The following E2F1 variants were observed in gnomAD, a reference collection of about 807,000 sequenced individuals.
E2F1 encodes the protein E2F transcription factor 1.
Under a neutral mutation model 36.9 loss-of-function variants are expected in E2F1, and 7 were observed. That is an observed-to-expected ratio of 0.19 (90% CI 0.11 to 0.36). E2F1 has a LOEUF of 0.36. Among genes scored for constraint, E2F1 ranks in the 10% least tolerant of loss-of-function variants. The pLI, the probability that E2F1 is intolerant of heterozygous loss-of-function variation, is 1.00. For missense variants in E2F1, 406 were observed against 573.6 expected, an observed-to-expected ratio of 0.71 and a Z score of 2.99; for synonymous variants, 261 against 263.1, an observed-to-expected ratio of 0.99 and a Z score of 0.08.
At chr20:33,677,639 C>T in intron 4 of E2F1, 99 bp from the exon 5 acceptor site, 1 of 838,678 alleles carries the variant, frequency 1.2e-6, no homozygotes, top group South Asian at 1.6e-5. Context: ...TCACTCCTGT[C>T]CTCCCAACCT....
At chr20:33,680,256 GT>G in intron 2 of E2F1, 69 bp downstream of exon 2, 1 of 1,503,546 alleles carries the variant, frequency 6.7e-7, no homozygotes, top group South Asian at 1.2e-5. Context: ...TTGCAAGCAT[GT>G]TTGTCTGTTC....
intron 3 of E2F1, among the ~76,000 whole-genome samples, chr20:33,678,982 A>G (rs2017993456): frequency 6.6e-6 from 1 of 152,060 alleles, no homozygotes; most frequent in Non-Finnish European, 1.5e-5. Context: ...AAGATGCAGA[A>G]TGGAACGATC....
Position 33,676,586 on chromosome 20 carries a change from C to T in E2F1, c.*146G>A. 7.8e-7 allele frequency: 1 copy of T among 1,275,220 alleles called. No homozygotes were observed. Among genetic ancestry groups the T allele is most frequent in the Non-Finnish European group, 1.0e-6 (1 of 954,942 alleles). The allele number at this position is 1,275,220 out of a possible 1,614,324, so 79.0% of individuals were successfully genotyped here. On this transcript the variant is annotated 3_prime_UTR_variant, in exon 7 of 7. Coordinates refer to ENST00000343380, the MANE Select transcript of E2F1 (RefSeq NM_005225.3). ...TCAGCCTCCTAGCGGTAGCCAGACC[C>T]CAGAGCTAGAAGCTTCTGGAGACAG...
At chr20:33,681,769 G>A (rs182327979) in intron 1 of E2F1, among the ~76,000 whole-genome samples, 19 of 152,192 alleles carry the variant, frequency 1.2e-4, no homozygotes, top group Admixed American at 8.5e-4. Flanking sequence ...TCATCACCAC[G>A]GCGATCACCA....
chr20:33,684,437 T>TG (rs2018045761), intron 1 of E2F1, among the ~76,000 whole-genome samples: 1 of 151,310 alleles, frequency 6.6e-6, no homozygotes. Context: ...GGAGGGCCCC[T>TG]AAAAGCCCTT....
chr20:33,686,175 G>T lies in E2F1; in HGVS notation c.90C>A (p.Ser30=). The part of the protein sequence containing the change: ...LGAGALRLLD[S]SQIVIISAAQ... The stretch of plus-strand genomic sequence containing the variant: ...CGGCGGAGATGATGACGATCTGCGA[G>T]GAGTCGAGCAGCCGCAGCGCGCCGG... The change falls in exon 1 of 7, where the codon TCC becomes TCA. Residue 30 remains serine, a synonymous_variant. Transcript: ENST00000343380. The T allele has an allele frequency of 1.9e-6, 2 of 1,053,206 alleles. No individual in the cohort carries two copies. The highest frequency in any genetic ancestry group is 2.3e-6 in the Non-Finnish European group (2 of 875,010). 65.2% of individuals were successfully genotyped at this position (1,053,206 alleles called of 1,614,324 possible).
intron 1 of E2F1, among the ~76,000 whole-genome samples, chr20:33,685,018 C>G (rs1249251217): frequency 2.0e-5 from 3 of 152,228 alleles, no homozygotes; most frequent in Non-Finnish European, 4.4e-5. Context: ...CAGGCTTCTA[C>G]GCCTCCAATC....
Position 33,686,154 on chromosome 20 carries a change from G to A in E2F1, c.111C>T (p.Ser37=), listed in dbSNP as rs3213143. 3.4e-3 allele frequency: 3,608 copies of A among 1,060,758 alleles called. 103 individuals are homozygous for A. In the African/African-American group the frequency reaches 0.055, roughly 16 times the overall value. The allele number at this position is 1,060,758 out of a possible 1,614,324, so 65.7% of individuals were successfully genotyped here. The part of the protein sequence containing the change: ...LLDSSQIVII[S]AAQDASAPPA... Reference sequence around the variant, plus strand: ...GCGGGGCGCTGGCGTCCTGCGCGGCGGAGATGATGACGATCTGCGAGGAGT... The same window carrying A: ...GCGGGGCGCTGGCGTCCTGCGCGGCAGAGATGATGACGATCTGCGAGGAGT... The change falls in exon 1 of 7, where the codon TCC becomes TCT. Residue 37 remains serine (S), a synonymous_variant. Coordinates refer to ENST00000343380, the MANE Select transcript of E2F1 (RefSeq NM_005225.3).
chr20:33,682,309 C>CTCTAA lies in E2F1; in HGVS notation c.262-1898_262-1894dup, dbSNP rs573297989. The stretch of plus-strand genomic sequence containing the variant: ...CCCAGGGGAAAGAAGAGCTGTTGTG[C>CTCTAA]TCTAAGCACTGTGTACTCAACTGCT... On this transcript the variant is annotated intron_variant, in intron 1 of 6. Coordinates refer to ENST00000343380, the MANE Select transcript of E2F1 (RefSeq NM_005225.3). Among the ~76,000 whole-genome samples, 70 of 152,298 alleles carry CTCTAA rather than the reference C, an allele frequency of 4.6e-4. No individual in the cohort carries two copies. The East Asian group carries it at 6.4e-3, about 14-fold the overall frequency.
rs1433269615 is a variant in E2F1, at chr20:33,679,704, C to A, written c.572+51G>T. ...ACAGTGGGTATTACTACCAGCTCCT[C>A]CAGGCTGGCATGGGCAGGTGTGCCT... On this transcript the variant is annotated intron_variant, in intron 3 of 6. Transcript: ENST00000343380. The surrounding 1 kb of genome is among the most constrained non-coding windows in gnomAD (Gnocchi z 4.6). 5.1e-6 allele frequency: 8 copies of A among 1,566,686 alleles called. No homozygotes were observed. Among genetic ancestry groups the A allele is most frequent in the Non-Finnish European group, 4.4e-6 (5 of 1,138,714 alleles).
At chr20:33,684,598 A>G (rs2018047902) in intron 1 of E2F1, among the ~76,000 whole-genome samples, 1 of 152,330 alleles carries the variant, frequency 6.6e-6, no homozygotes, top group Non-Finnish European at 1.5e-5. Flanking sequence ...CCCAATCTGT[A>G]AAAAGGGACT....
chr20:33,682,092 C>A (rs1298182072), intron 1 of E2F1, among the ~76,000 whole-genome samples: 1 of 151,228 alleles, frequency 6.6e-6, no homozygotes, highest in East Asian at 2.0e-4. Context: ...TCAAACCCAA[C>A]CTTTTGCCAC....
chr20:33,678,799 C>A (rs3213171), intron 3 of E2F1, among the ~76,000 whole-genome samples: 4,795 of 152,118 alleles, frequency 0.032, 116 homozygotes, highest in South Asian at 0.064. Flanking sequence ...TACACAAAAT[C>A]AAAGACATTA....
Position 33,680,391 on chromosome 20 carries a change from G to T in E2F1, c.287C>A (p.Thr96Asn). The T allele has an allele frequency of 6.2e-7, 1 of 1,614,122 alleles. No homozygotes were observed. Among genetic ancestry groups the T allele is most frequent in the South Asian group, 1.1e-5 (1 of 91,034 alleles). The change falls in exon 2 of 7, where the codon ACT (threonine) becomes AAT (asparagine). Residue 96 changes from threonine (T) to asparagine (N), a missense_variant. By Grantham distance (65) the Thr-to-Asn change is moderately conservative. Coordinates refer to ENST00000343380, the MANE Select transcript of E2F1 (RefSeq NM_005225.3). ...PPVKRRLDLE[T>N]DHQYLAESSG... ...GCTCTCGGCCAGGTACTGATGGTCA[G>T]TTTCCAGGTCCAGCCTCCGCTTCAC...
chr20:33,677,635 C>A, intron 4 of E2F1, 95 bp from the exon 5 acceptor site: 1 of 921,982 alleles, frequency 1.1e-6, no homozygotes, highest in Non-Finnish European at 1.7e-6. Context: ...CTAGTCACTC[C>A]TGTCCTCCCA....
chr20:33,685,716 A>T (rs957419877), intron 1 of E2F1, among the ~76,000 whole-genome samples: 1 of 152,216 alleles, frequency 6.6e-6, no homozygotes, highest in Non-Finnish European at 1.5e-5. Context: ...AGTAAACGCC[A>T]GTTGAATACA....
In E2F1 at chr20:33,678,365, C is replaced by G. The variant is rs1166560773; in HGVS notation, c.573-12G>C. ...TGGTGTGGCTGCCCCTGTGGGGAGG[C>G]ACCAGGGAGGGTAGGGTTAACAGCG... On this transcript the variant is annotated splice_polypyrimidine_tract_variant and intron_variant, in intron 3 of 6. Transcript: ENST00000343380. 6.2e-7 allele frequency: 1 copy of G among 1,611,488 alleles called. No homozygotes were observed. The highest frequency in any genetic ancestry group is 8.5e-7 in the Non-Finnish European group (1 of 1,179,744).
chr20:33,675,762 G>A lies in E2F1; in HGVS notation c.*970C>T, dbSNP rs2017941974. ...AAGCAAATCAAAGTGCAGATTGGAG[G>A]GTGGGGCAGAGCAGTGGGGAGGCAG... On this transcript the variant is annotated 3_prime_UTR_variant, in exon 7 of 7. Transcript: ENST00000343380. The A allele has an allele frequency of 1.1e-5, 2 of 176,590 alleles. No homozygotes were observed. Among genetic ancestry groups the A allele is most frequent in the Non-Finnish European group, 1.2e-5 (1 of 83,288 alleles). The allele number at this position is 176,590 out of a possible 1,614,324, so 10.9% of individuals were successfully genotyped here.
Position 33,679,542 on chromosome 20 carries a change from T to TA in E2F1, c.572+212dup, listed in dbSNP as rs1384623214. On this transcript the variant is annotated intron_variant, in intron 3 of 6. Coordinates refer to ENST00000343380, the MANE Select transcript of E2F1 (RefSeq NM_005225.3). This position sits in a 1 kb window ranked among gnomAD's most constrained non-coding sequence, Gnocchi z 4.6. ...CTGGGTGACAGAGTGAAACTCCATCTAAAAAAGAAAAAAGTAAAGCTGCAA... is the reference window on the plus strand; with the variant it reads ...CTGGGTGACAGAGTGAAACTCCATCTAAAAAAAGAAAAAAGTAAAGCTGCAA... Among the ~76,000 whole-genome samples the TA allele has an allele frequency of 2.0e-5, 3 of 152,122 alleles. No homozygotes were observed. Among genetic ancestry groups the TA allele is most frequent in the Non-Finnish European group, 1.5e-5 (1 of 68,010 alleles).
Sources: gnomAD v4.1 joint callset for allele counts (sites outside exome capture counted in the v4.1 genomes callset) on GRCh38, gnomAD v4.1.1 for gene constraint, Gnocchi (gnomAD v3.1) non-coding constraint, MANE v1.5 for transcripts, NCBI Gene and HGNC (gene_info 2026-07-23, HGNC 2026-07-21) for gene names.